The following AHNAK variants were observed in gnomAD, a reference collection of about 807,000 sequenced individuals.
AHNAK encodes the protein neuroblast differentiation-associated protein AHNAK.
Under a neutral mutation model 37.8 loss-of-function variants are expected in AHNAK, and 23 were observed. That is an observed-to-expected ratio of 0.61 (90% CI 0.44 to 0.86). The LOEUF is 0.86. Ranked by LOEUF, AHNAK falls within the 40% of genes least tolerant of loss-of-function variation. The pLI, the probability that AHNAK is intolerant of heterozygous loss-of-function variation, is 0.00. For missense variants in AHNAK, 7,411 were observed against 7,319.4 expected, an observed-to-expected ratio of 1.01 and a Z score of -0.46; for synonymous variants, 2,481 against 2,636.3, an observed-to-expected ratio of 0.94 and a Z score of 1.80.
Position 62,544,380 on chromosome 11 carries a change from TCCATATC to T in AHNAK, c.-100+2273_-100+2279del, listed in dbSNP as rs369494697. Reference sequence around the variant, plus strand: ...GACCCCTGAATCGCTGCTGTGGGCCTCCATATCAGCCCGCATGACTTATGTGGCTCCC... The same window carrying T: ...GACCCCTGAATCGCTGCTGTGGGCCTAGCCCGCATGACTTATGTGGCTCCC... On this transcript the variant is annotated intron_variant, in intron 1 of 4. Coordinates refer to ENST00000378024, the MANE Select transcript of AHNAK (RefSeq NM_001620.3). Among the ~76,000 whole-genome samples, 631 of 152,230 alleles carry T rather than the reference TCCATATC, an allele frequency of 4.1e-3. 3 individuals are homozygous for T. Among genetic ancestry groups the T allele is most frequent in the African/African-American group, 0.014 (572 of 41,530 alleles).
At chr11:62,445,728 A>G (rs1434670052) in intron 5 of AHNAK, among the ~76,000 whole-genome samples, 1 of 151,616 alleles carries the variant, frequency 6.6e-6, no homozygotes, top group Non-Finnish European at 1.5e-5. Flanking sequence ...CAAAACACCA[A>G]AAAACAGTCC....
chr11:62,459,952 C>T (rs981814828), intron 5 of AHNAK, among the ~76,000 whole-genome samples: 1 of 152,030 alleles, frequency 6.6e-6, no homozygotes, highest in African/African-American at 2.4e-5. Context: ...CCAGCCTTGT[C>T]TACATGGTGA....
Position 62,525,776 on chromosome 11 carries a change from G to C in AHNAK, c.8641C>G (p.Pro2881Ala). The change falls in exon 5 of 5, where the codon CCA (proline) becomes GCA (alanine). Residue 2881 changes from proline (P) to alanine (A), a missense_variant. Coordinates refer to ENST00000378024, the MANE Select transcript of AHNAK (RefSeq NM_001620.3). ...LKGPKVDIDV[P>A]DVNVQGPDWH... is the part of the protein sequence containing the mutation. ...TCTGGACCCTGAACATTAACATCTG[G>C]GACATCAATGTCCACTTTGGGGCCT... The C allele has an allele frequency of 3.1e-6, 5 of 1,613,308 alleles. No individual in the cohort carries two copies. Among genetic ancestry groups the C allele is most frequent in the Non-Finnish European group, 4.2e-6 (5 of 1,179,840 alleles).
chr11:62,512,595 G>GT (rs1939933900), downstream of AHNAK, among the ~76,000 whole-genome samples: 1 of 152,148 alleles, frequency 6.6e-6, no homozygotes, highest in Admixed American at 6.5e-5. The surrounding 1 kb of genome is among the most constrained non-coding windows in gnomAD (Gnocchi z 4.0). Context: ...AGAGAAATGA[G>GT]TGTGAGTTTA....
chr11:62,470,821 C>A (rs1002882845), intron 5 of AHNAK, among the ~76,000 whole-genome samples: 40 of 151,516 alleles, frequency 2.6e-4, no homozygotes, highest in East Asian at 2.3e-3. Context: ...AAAAAAAAAA[C>A]CAAAACTTCT....
At chr11:62,479,232 A>G (rs1939214317) in intron 5 of AHNAK, among the ~76,000 whole-genome samples, 2 of 136,808 alleles carry the variant, frequency 1.5e-5, no homozygotes, top group South Asian at 4.4e-4. Flanking sequence ...CAATGGCACG[A>G]TCTCGGCTCA....
In AHNAK at chr11:62,521,017, T is replaced by C; in HGVS notation, c.13400A>G (p.His4467Arg). ...PKISMPDFDL[H>R]LKGPKVKGDV... ...ACCCTTCACCTTGGGACCTTTCAGG[T>C]GCAAATCAAAGTCAGGCATAGAGAT... The change falls in exon 5 of 5, where the codon CAC becomes CGC. Residue 4467 changes from histidine (H) to arginine (R), a missense_variant. Physicochemically the swap from His to Arg is conservative, Grantham distance 29. Coordinates refer to ENST00000378024, the MANE Select transcript of AHNAK (RefSeq NM_001620.3). The C allele has an allele frequency of 6.2e-7, 1 of 1,614,132 alleles. No individual in the cohort carries two copies. The highest frequency in any genetic ancestry group is 1.1e-5 in the South Asian group (1 of 91,078).
Position 62,526,893 on chromosome 11 carries a change from C to T in AHNAK, c.7524G>A (p.Leu2508=). Residue 2508 remains leucine (L), a synonymous_variant, in exon 5 of 5, where the codon CTG becomes CTA. Transcript: ENST00000378024. ...TGGGCATTTTCATCTTGGGCATCTT[C>T]AGGTGCCAGTCTGGAGCTTGGACAT... ...APDVQAPDWH[L]KMPKMKMPKF... 1.2e-6 allele frequency: 2 copies of T among 1,614,170 alleles called. No homozygotes were observed. Among genetic ancestry groups the T allele is most frequent in the Non-Finnish European group, 1.7e-6 (2 of 1,180,018 alleles).
chr11:62,470,554 C>T (rs1320652121), intron 5 of AHNAK, among the ~76,000 whole-genome samples: 1 of 151,556 alleles, frequency 6.6e-6, no homozygotes, highest in South Asian at 2.1e-4. Context: ...TGCAGTGAGC[C>T]GAGATCGCGC....
At position 62,529,523 on chromosome 11, in the gene AHNAK, G is replaced by T; in HGVS notation, c.4894C>A (p.Pro1632Thr). Residue 1632 changes from proline to threonine, a missense_variant, in exon 5 of 5, where the codon CCA becomes ACA. Coordinates refer to ENST00000378024, the MANE Select transcript of AHNAK (RefSeq NM_001620.3). ...TTGGGGCCCTTCAACTTCCCTTCTGGACCTTCAATATCAATATCACCAACA... is the reference window on the plus strand; with the variant it reads ...TTGGGGCCCTTCAACTTCCCTTCTGTACCTTCAATATCAATATCACCAACA... Reference protein sequence around the residue: ...VNVGDIDIEGPEGKLKGPKFK... With the variant: ...VNVGDIDIEGTEGKLKGPKFK... The T allele has an allele frequency of 6.2e-7, 1 of 1,613,986 alleles. No homozygotes were observed. The highest frequency in any genetic ancestry group is 8.5e-7 in the Non-Finnish European group (1 of 1,180,010).
chr11:62,519,072 A>C lies in AHNAK; in HGVS notation c.15345T>G (p.Gly5115=), dbSNP rs1676123054. ...EAPLPSPKLE[G]ELQAPDLELS... is the part of the protein sequence containing the mutation. Reference sequence around the variant, plus strand: ...GTTCCAGATCAGGTGCCTGGAGTTCACCCTCCAGTTTGGGGCTAGGGAGAG... The same window carrying C: ...GTTCCAGATCAGGTGCCTGGAGTTCCCCCTCCAGTTTGGGGCTAGGGAGAG... Residue 5115 remains glycine, a synonymous_variant, in exon 5 of 5, where the codon GGT becomes GGG. Coordinates refer to ENST00000378024, the MANE Select transcript of AHNAK (RefSeq NM_001620.3). 1.2e-6 allele frequency: 2 copies of C among 1,612,678 alleles called. No individual in the cohort carries two copies. The highest frequency in any genetic ancestry group is 2.7e-5 in the African/African-American group (2 of 74,784).
chr11:62,456,272 C>T (rs184000727), intron 5 of AHNAK, among the ~76,000 whole-genome samples: 3 of 152,224 alleles, frequency 2.0e-5, no homozygotes, highest in African/African-American at 7.2e-5. Context: ...GTTACAGCAG[C>T]CTGAGCAAAA....
rs1184047514 is a variant in AHNAK, at chr11:62,519,056, C to T, written c.15361G>A (p.Asp5121Asn). Reference protein sequence around the residue: ...PKLEGELQAPDLELSLPAIHV... With the variant: ...PKLEGELQAPNLELSLPAIHV... ...ATCGCTGGCAAAGAAAGTTCCAGAT[C>T]AGGTGCCTGGAGTTCACCCTCCAGT... Residue 5121 changes from aspartate (D) to asparagine (N), a missense_variant, in exon 5 of 5, where the codon GAT (aspartate) becomes AAT (asparagine). Asp to Asn is a conservative substitution (Grantham distance 23). Coordinates refer to ENST00000378024, the MANE Select transcript of AHNAK (RefSeq NM_001620.3). 1 of 1,613,110 alleles carries T rather than the reference C, an allele frequency of 6.2e-7. No individual in the cohort carries two copies. The highest frequency in any genetic ancestry group is 1.7e-5 in the Admixed American group (1 of 59,916).
At chr11:62,444,519 GTGCCCCGCC>G (rs1163942488) in intron 5 of AHNAK, among the ~76,000 whole-genome samples, 6 of 152,254 alleles carry the variant, frequency 3.9e-5, no homozygotes, top group African/African-American at 1.4e-4. Context: ...GGCTGACAGC[GTGCCCCGCC>G]CGGCAGCTGC....
intron 5 of AHNAK, among the ~76,000 whole-genome samples, chr11:62,488,016 G>A (rs1939426331): frequency 6.6e-6 from 1 of 152,132 alleles, no homozygotes; most frequent in African/African-American, 2.4e-5. Flanking sequence ...TCTTTCTCCT[G>A]TACTTTAAAC....
chr11:62,454,118 AAAG>A (rs1590593905), intron 5 of AHNAK, among the ~76,000 whole-genome samples: 1 of 150,498 alleles, frequency 6.6e-6, no homozygotes, highest in Non-Finnish European at 1.5e-5. Context: ...AAAAAAAAAA[AAAG>A]AAAGAAAATT....
intron 5 of AHNAK, among the ~76,000 whole-genome samples, chr11:62,484,480 C>A (rs934328933): frequency 2.0e-5 from 3 of 152,124 alleles, no homozygotes; most frequent in Non-Finnish European, 4.4e-5. Flanking sequence ...AGATCTCTTG[C>A]GAGGTGACAT....
chr11:62,487,063 T>C (rs976019649), intron 5 of AHNAK, among the ~76,000 whole-genome samples: 3 of 151,952 alleles, frequency 2.0e-5, no homozygotes, highest in African/African-American at 7.2e-5. Context: ...AGCTAAGGGG[T>C]TTGAAACAAC....
In AHNAK at chr11:62,520,291, A is replaced by G. The variant is rs773968092; in HGVS notation, c.14126T>C (p.Phe4709Ser). 6.2e-7 allele frequency: 1 copy of G among 1,612,864 alleles called. No individual in the cohort carries two copies. Among genetic ancestry groups the G allele is most frequent in the Non-Finnish European group, 8.5e-7 (1 of 1,179,790 alleles). ...TTTGATGCTCATCTCAGGCATCTTG[A>G]ACTTGGGGCCCTTTAGTTTCGCATC... ...GPDAKLKGPK[F>S]KMPEMSIKAP... The change falls in exon 5 of 5, where the codon TTC becomes TCC. Residue 4709 changes from phenylalanine to serine, a missense_variant. Phe to Ser is a radical substitution (Grantham distance 155). Coordinates refer to ENST00000378024, the MANE Select transcript of AHNAK (RefSeq NM_001620.3).
Sources: allele counts gnomAD v4.1 joint callset (sites outside exome capture counted in the v4.1 genomes callset), GRCh38; gene constraint gnomAD v4.1.1; non-coding constraint Gnocchi (gnomAD v3.1); transcripts MANE v1.5; gene names NCBI Gene and HGNC (gene_info 2026-07-23, HGNC 2026-07-21).